The following ATL2 variants were observed in gnomAD, a reference collection of about 807,000 sequenced individuals.
ATL2 encodes atlastin GTPase 2.
In ATL2, 31 loss-of-function variants were observed where a neutral mutation model predicts 73.9. The observed-to-expected ratio is 0.42, with a 90% CI of 0.32 to 0.57. ATL2 has a LOEUF of 0.57. Ranked by LOEUF, ATL2 falls within the 20% of genes least tolerant of loss-of-function variation. The pLI is 0.14. For missense variants in ATL2, 738 were observed against 702.6 expected, an observed-to-expected ratio of 1.05 and a Z score of -0.57; for synonymous variants, 291 against 237.5, an observed-to-expected ratio of 1.23 and a Z score of -2.07.
At chr2:38,298,629 A>G in intron 11 of ATL2, 54 bp from the exon 12 acceptor site, 1 of 1,537,026 alleles carries the variant, frequency 6.5e-7, no homozygotes, top group Non-Finnish European at 8.8e-7. Flanking sequence ...CACTTGAAAG[A>G]AGTTCCTGTT....
intron 6 of ATL2, among the ~76,000 whole-genome samples, chr2:38,314,071 A>G (rs1456292454): frequency 6.6e-6 from 1 of 152,210 alleles, no homozygotes; most frequent in African/African-American, 2.4e-5. Flanking sequence ...TCATACCGGA[A>G]AGGCTTCACA....
chr2:38,306,931 A>G (rs1667478246), intron 9 of ATL2, among the ~76,000 whole-genome samples: 1 of 152,230 alleles, frequency 6.6e-6, no homozygotes, highest in Non-Finnish European at 1.5e-5. Context: ...TGGCTTCAAT[A>G]AATGGTGCTG....
intron 2 of ATL2, among the ~76,000 whole-genome samples, chr2:38,334,921 T>TA (rs1350213855): frequency 7.5e-6 from 1 of 132,884 alleles, no homozygotes; most frequent in African/African-American, 3.1e-5. Context: ...TATAAATATA[T>TA]TTATATATTA....
chr2:38,318,633 C>G lies in ATL2; in HGVS notation c.505G>C (p.Val169Leu). ...GCACCCTGGGTATCCATAAGCAGCACAGCAACCTAGGAATTTGAGAGTTTA... is the reference window on the plus strand; with the variant it reads ...GCACCCTGGGTATCCATAAGCAGCAGAGCAACCTAGGAATTTGAGAGTTTA... ...IDRPNGTKVA[V>L]LLMDTQGAFD... Residue 169 changes from valine to leucine, a missense_variant, in exon 4 of 13, where the codon GTG becomes CTG. Physicochemically the swap from Val to Leu is conservative, Grantham distance 32. Coordinates refer to ENST00000378954, the MANE Select transcript of ATL2 (RefSeq NM_001135673.4). The G allele has an allele frequency of 6.3e-7, 1 of 1,596,624 alleles. No individual in the cohort carries two copies. Among genetic ancestry groups the G allele is most frequent in the Non-Finnish European group, 8.5e-7 (1 of 1,174,812 alleles).
In ATL2 at chr2:38,295,284, C is replaced by A. The variant is rs1666834078; in HGVS notation, c.*710G>T. ...ACTCTTAACTCATAGCTGTAGGCAA[C>A]ATTTTTGGATGGAATTTCTTCCCCA... On this transcript the variant is annotated 3_prime_UTR_variant, in exon 13 of 13. Coordinates refer to ENST00000378954, the MANE Select transcript of ATL2 (RefSeq NM_001135673.4). 6.6e-6 allele frequency: 1 copy of A among 152,198 alleles called. No individual in the cohort carries two copies. Among genetic ancestry groups the A allele is most frequent in the Non-Finnish European group, 1.5e-5 (1 of 68,048 alleles). The allele number at this position is 152,198 out of a possible 1,614,324, so 9.4% of individuals were successfully genotyped here. A position where few individuals can be genotyped will look rare whatever the true frequency, so the allele number is the denominator to read the frequency against.
At chr2:38,375,919 T>C (rs1465842263) in intron 1 of ATL2, among the ~76,000 whole-genome samples, 2 of 152,212 alleles carry the variant, frequency 1.3e-5, no homozygotes, top group African/African-American at 2.4e-5. Context: ...ACCTCTGACA[T>C]GCGCCAAGAA....
chr2:38,296,711 A>G, intron 12 of ATL2: 1 of 1,552,922 alleles, frequency 6.4e-7, no homozygotes, highest in Admixed American at 2.0e-5. Flanking sequence ...CTGAAGCAAA[A>G]GAAAAGAGAA....
chr2:38,303,069 C>T (rs1465324253), intron 9 of ATL2, among the ~76,000 whole-genome samples: 1 of 152,068 alleles, frequency 6.6e-6, no homozygotes, highest in Non-Finnish European at 1.5e-5. Context: ...CAAAGAAATT[C>T]AAGATAACAC....
rs1273829096 is a variant in ATL2 at position 38,376,052 on chromosome 2, G to GA, written c.118+1090dup. ...AAAACCTTTACACACCGTAAAAAAA[G>GA]AAATCTTAAGACACGAGCTCGTATC... On this transcript the variant is annotated intron_variant, in intron 1 of 12. Transcript: ENST00000378954. 1.9e-5 allele frequency: 26 copies of GA among 1,375,606 alleles called. No homozygotes were observed. In the African/African-American group the frequency reaches 3.5e-4, roughly 18 times the overall value. 85.2% of individuals were successfully genotyped at this position (1,375,606 alleles called of 1,614,324 possible).
chr2:38,371,250 G>A (rs1671673198), intron 1 of ATL2, among the ~76,000 whole-genome samples: 1 of 151,740 alleles, frequency 6.6e-6, no homozygotes, highest in Non-Finnish European at 1.5e-5. Flanking sequence ...GCTGATGCCT[G>A]TAATCCCAAC....
rs768399817 is a variant in ATL2, at chr2:38,299,348, T to C, written c.1129-21A>G. ...GTTGCCTAAAAAATAAAATATGCCA[T>C]TATTATGCAAAAAATACTCTATGAC... On this transcript the variant is annotated intron_variant, in intron 10 of 12. Transcript: ENST00000378954. 9.2e-6 allele frequency: 14 copies of C among 1,517,746 alleles called. No individual in the cohort carries two copies. The South Asian group carries it at 1.9e-4, about 20-fold the overall frequency. 94.0% of individuals were successfully genotyped at this position (1,517,746 alleles called of 1,614,324 possible).
chr2:38,376,200 T>G, intron 1 of ATL2: 1 of 1,517,542 alleles, frequency 6.6e-7, no homozygotes, highest in Non-Finnish European at 8.9e-7. Context: ...AATCAGGATT[T>G]CATGCGATCA....
chr2:38,343,249 A>C lies in ATL2; in HGVS notation c.363+19T>G, dbSNP rs1443957425. 1 of 1,548,604 alleles carries C rather than the reference A, an allele frequency of 6.5e-7. No individual in the cohort carries two copies. Among genetic ancestry groups the C allele is most frequent in the Non-Finnish European group, 8.7e-7 (1 of 1,155,212 alleles). ...TACTTTTTTCTTTTTAATTGGGTTC[A>C]ATTTAAAAGACTATTCACCTTGTTA... On this transcript the variant is annotated intron_variant, in intron 2 of 12. Coordinates refer to ENST00000378954, the MANE Select transcript of ATL2 (RefSeq NM_001135673.4).
chr2:38,340,409 T>TG lies in ATL2; in HGVS notation c.363+2858dup, dbSNP rs372858237. On this transcript the variant is annotated intron_variant, in intron 2 of 12. Transcript: ENST00000378954. Reference sequence around the variant, plus strand: ...TAAATAAGCAAATAAGAATTAGAAGTGGGGGGGGCAGGGCATAGAATACTT... The same window carrying TG: ...TAAATAAGCAAATAAGAATTAGAAGTGGGGGGGGGCAGGGCATAGAATACTT... 1.2e-3 allele frequency among the ~76,000 whole-genome samples: 182 copies of TG among 150,084 alleles called. 1 individual carries two copies. Among genetic ancestry groups the TG allele is most frequent in the South Asian group, 3.8e-3 (18 of 4,682 alleles).
intron 12 of ATL2, 51 bp downstream of exon 12, chr2:38,298,093 G>A (rs372588599): frequency 6.0e-6 from 9 of 1,502,560 alleles, no homozygotes; most frequent in Non-Finnish European, 6.3e-6. Flanking sequence ...AGGATGGAAA[G>A]TCACAGGAAA....
intron 1 of ATL2, among the ~76,000 whole-genome samples, chr2:38,351,880 G>A (rs545657263): frequency 7.2e-4 from 109 of 151,930 alleles, no homozygotes; most frequent in Admixed American, 1.4e-3. Flanking sequence ...GGGAGGCCGA[G>A]GAAGTCAGAT....
At chr2:38,314,500 C>T (rs751238876) in intron 6 of ATL2, 108 bp downstream of exon 6, 8 of 693,378 alleles carry the variant, frequency 1.2e-5, no homozygotes, top group African/African-American at 1.8e-5. Flanking sequence ...GAATCTGTTG[C>T]TAGCAATGAG....
At chr2:38,377,312 T>C, upstream of ATL2, 1 of 1,453,496 alleles carries the variant, frequency 6.9e-7, no homozygotes, top group Non-Finnish European at 9.2e-7. Flanking sequence ...CCGCCGCCGC[T>C]TTATCAACCT....
chr2:38,331,841 TATATAA>T lies in ATL2; in HGVS notation c.363+11421_363+11426del, dbSNP rs566002632. 4.0e-5 allele frequency among the ~76,000 whole-genome samples: 6 copies of T among 151,836 alleles called. No individual in the cohort carries two copies. The South Asian group carries it at 6.2e-4, about 16-fold the overall frequency. ...TCACATCATTATTATGACATATACA[TATATAA>T]ATATATTTTATGTAATTAACATTAT... On this transcript the variant is annotated intron_variant, in intron 2 of 12. Coordinates refer to ENST00000378954, the MANE Select transcript of ATL2 (RefSeq NM_001135673.4).
Sources: gnomAD v4.1 joint callset for allele counts (sites outside exome capture counted in the v4.1 genomes callset) on GRCh38, gnomAD v4.1.1 for gene constraint, MANE v1.5 for transcripts, NCBI Gene and HGNC (gene_info 2026-07-23, HGNC 2026-07-21) for gene names.